Variants in LRRFIP2 observed in about 807,000 individuals in gnomAD.
LRRFIP2 encodes the protein LRR binding FLII interacting protein 2.
In LRRFIP2, 109 loss-of-function variants were observed where a neutral mutation model predicts 125.9. That is an observed-to-expected ratio of 0.87 (90% CI 0.74 to 1.01). The LOEUF (loss-of-function observed/expected upper bound fraction) is 1.01. Ranked by LOEUF, LRRFIP2 falls within the 50% of genes least tolerant of loss-of-function variation. The pLI is 0.00. For missense variants in LRRFIP2, 850 were observed against 862.3 expected, an observed-to-expected ratio of 0.99 and a Z score of 0.18; for synonymous variants, 291 against 293.1, an observed-to-expected ratio of 0.99 and a Z score of 0.07.
At chr3:37,114,110 C>CTT (rs11337665) in intron 7 of LRRFIP2, among the ~76,000 whole-genome samples, 11 of 148,496 alleles carry the variant, frequency 7.4e-5, no homozygotes, top group African/African-American at 1.2e-4. Context: ...ACTCATTTTA[C>CTT]TTTTTTTTTT....
chr3:37,138,712 C>A (rs1480241499), intron 2 of LRRFIP2, among the ~76,000 whole-genome samples: 1 of 152,202 alleles, frequency 6.6e-6, no homozygotes. Context: ...ATCACACACA[C>A]TGGCTATAAC....
Position 37,094,792 on chromosome 3 carries a change from C to T in LRRFIP2, c.1035G>A (p.Arg345=), listed in dbSNP as rs550409816. ...IDPDTSLSEL[R]DIYDLKDQIQ... ...AAGAAAACCAAAAACTTCAGTTTAC[C>T]CGCAATTCACTTAATGAAGTGTCTG... is the stretch of plus-strand genomic sequence containing the variant. The change falls in exon 17 of 28, where the codon CGG becomes CGA. Residue 345 remains arginine (R), a splice_region_variant and synonymous_variant. Transcript: ENST00000336686. 2.3e-5 allele frequency: 37 copies of T among 1,607,048 alleles called. No homozygotes were observed. Among genetic ancestry groups the T allele is most frequent in the Middle Eastern group, 1.7e-4 (1 of 6,054 alleles).
chr3:37,129,248 G>T lies in LRRFIP2; in HGVS notation c.91-99C>A, dbSNP rs1577100319. ...GAATGGGACATTACCACGCAAAAGG[G>T]GTGGGCAGGAGAAGATATTATCTAT... On this transcript the variant is annotated intron_variant, in intron 2 of 27. Coordinates refer to ENST00000336686, the MANE Select transcript of LRRFIP2 (RefSeq NM_006309.4). 4 of 967,600 alleles carry T rather than the reference G, an allele frequency of 4.1e-6. No homozygotes were observed. In the East Asian group the frequency reaches 9.7e-5, roughly 23 times the overall value. 59.9% of individuals were successfully genotyped at this position (967,600 alleles called of 1,614,324 possible).
At chr3:37,126,322 G>A (rs1250786750) in intron 4 of LRRFIP2, among the ~76,000 whole-genome samples, 1 of 152,132 alleles carries the variant, frequency 6.6e-6, no homozygotes, top group Non-Finnish European at 1.5e-5. Flanking sequence ...GGGCCACTAT[G>A]CCCAGACCCA....
intron 4 of LRRFIP2, among the ~76,000 whole-genome samples, chr3:37,124,031 C>G (rs1038171201): frequency 1.3e-5 from 2 of 152,162 alleles, no homozygotes; most frequent in Non-Finnish European, 2.9e-5. Flanking sequence ...AACCCCCATA[C>G]AGGTCAGTTA....
At chr3:37,094,757 T>C (rs1429394927) in intron 17 of LRRFIP2, 35 bp downstream of exon 17, 2 of 1,397,656 alleles carry the variant, frequency 1.4e-6, no homozygotes, top group South Asian at 2.3e-5. Flanking sequence ...GTCAAAAAAC[T>C]GCTTTTAAAA....
rs1351060470 is a variant in LRRFIP2 at position 37,115,073 on chromosome 3, G to T, written c.353C>A (p.Ser118Ter). 2.5e-6 allele frequency: 4 copies of T among 1,606,652 alleles called. No individual in the cohort carries two copies. Among genetic ancestry groups the T allele is most frequent in the Non-Finnish European group, 3.4e-6 (4 of 1,175,460 alleles). ...ACATACTAATGATGAAAGTCTTGATGATCTATCCTTGAACATATCATACTG... is the reference window on the plus strand; with the variant it reads ...ACATACTAATGATGAAAGTCTTGATTATCTATCCTTGAACATATCATACTG... ...SHRYDMFKDRSSRLSSLNHSY... is the reference protein window; with the variant it reads ...SHRYDMFKDR The change falls in exon 7 of 28, where the codon TCA becomes TAA. Residue 118 changes from serine (S) to a stop codon, truncating the protein, a stop_gained. Transcript: ENST00000336686. LOFTEE classifies it high-confidence loss of function.
At chr3:37,096,991 G>A (rs1447990582) in intron 15 of LRRFIP2, among the ~76,000 whole-genome samples, 1 of 151,902 alleles carries the variant, frequency 6.6e-6, no homozygotes, top group Non-Finnish European at 1.5e-5. Context: ...AAAAAAGCTT[G>A]TACATATCAA....
At chr3:37,163,647 C>T (rs190678243) in intron 1 of LRRFIP2, among the ~76,000 whole-genome samples, 1 of 152,226 alleles carries the variant, frequency 6.6e-6, no homozygotes, top group East Asian at 1.9e-4. Flanking sequence ...TGTTAAAAAC[C>T]ACTGATTTGG....
chr3:37,173,315 A>C (rs2096611845), intron 1 of LRRFIP2, among the ~76,000 whole-genome samples: 1 of 151,930 alleles, frequency 6.6e-6, no homozygotes. Flanking sequence ...TGGTCTTCCC[A>C]TCTCAGCCTC....
At chr3:37,105,586 A>G in intron 13 of LRRFIP2, 63 bp from the exon 14 acceptor site, 1 of 1,203,934 alleles carries the variant, frequency 8.3e-7, no homozygotes. Flanking sequence ...ACCTCATTAT[A>G]AGTACATTAA....
chr3:37,157,812 G>A (rs1187855059), intron 1 of LRRFIP2, among the ~76,000 whole-genome samples: 1 of 152,068 alleles, frequency 6.6e-6, no homozygotes, highest in African/African-American at 2.4e-5. Context: ...AAACTATAAT[G>A]GTTAACTTAC....
intron 2 of LRRFIP2, among the ~76,000 whole-genome samples, chr3:37,146,004 A>G (rs767940035): frequency 4.6e-5 from 7 of 152,256 alleles, no homozygotes; most frequent in Admixed American, 4.6e-4. Flanking sequence ...TTTGCTACAC[A>G]GCACTCAGCA....
rs769037511 is a variant in LRRFIP2, at chr3:37,065,882, C to T, written c.1627G>A (p.Val543Met). The change falls in exon 23 of 28, where the codon GTG becomes ATG. Residue 543 changes from valine to methionine, a missense_variant. Val to Met is a conservative substitution (Grantham distance 21). Transcript: ENST00000336686. The part of the protein sequence containing the change: ...TPNGDVSHEP[V>M]AGAITVVSQE... ...GACACAACAGTGATGGCTCCAGCCA[C>T]TGGTTCATGACTGACATCACCATTG... is the stretch of plus-strand genomic sequence containing the variant. 3.1e-6 allele frequency: 5 copies of T among 1,614,182 alleles called. No homozygotes were observed. In the South Asian group the frequency reaches 5.5e-5, roughly 18 times the overall value.
chr3:37,148,411 T>C (rs1218365599), intron 2 of LRRFIP2, among the ~76,000 whole-genome samples: 2 of 152,188 alleles, frequency 1.3e-5, no homozygotes, highest in African/African-American at 4.8e-5. Context: ...TGAAATGACC[T>C]GCTATAACCT....
chr3:37,074,618 TTTC>T (rs1488841698), intron 20 of LRRFIP2, among the ~76,000 whole-genome samples: 1 of 152,190 alleles, frequency 6.6e-6, no homozygotes, highest in Non-Finnish European at 1.5e-5. Flanking sequence ...TATCTTGATG[TTTC>T]TTCTTTTTTC....
At chr3:37,102,380 G>A (rs542917175) in intron 15 of LRRFIP2, among the ~76,000 whole-genome samples, 9 of 151,910 alleles carry the variant, frequency 5.9e-5, no homozygotes, top group Admixed American at 1.3e-4. Context: ...ATGCTGATGG[G>A]TTCTATGCGG....
At chr3:37,136,233 G>T (rs2095551901) in intron 2 of LRRFIP2, among the ~76,000 whole-genome samples, 1 of 152,202 alleles carries the variant, frequency 6.6e-6, no homozygotes, top group Non-Finnish European at 1.5e-5. Flanking sequence ...GTCCAGAATA[G>T]GCAAAAACAT....
At chr3:37,062,669 T>C (rs2089109302) in intron 24 of LRRFIP2, among the ~76,000 whole-genome samples, 1 of 152,056 alleles carries the variant, frequency 6.6e-6, no homozygotes, top group Non-Finnish European at 1.5e-5. Flanking sequence ...CACAGCACAA[T>C]GAAGAAATGT....
Sources: allele counts gnomAD v4.1 joint callset (sites outside exome capture counted in the v4.1 genomes callset), GRCh38; gene constraint gnomAD v4.1.1; transcripts MANE v1.5; gene names NCBI Gene and HGNC (gene_info 2026-07-23, HGNC 2026-07-21).